NDE1: variants seen among roughly 807,000 people sequenced by gnomAD.
The protein encoded by NDE1 is nudE neurodevelopment protein 1.
Under a neutral mutation model 43.4 loss-of-function variants are expected in NDE1, and 28 were observed. The ratio of observed to expected loss-of-function variants is 0.65; its 90% CI spans 0.48 to 0.89. NDE1 has a LOEUF of 0.89. Among genes scored for constraint, NDE1 ranks in the 40% least tolerant of loss-of-function variants. The pLI is 0.00. For missense variants in NDE1, 441 were observed against 434.1 expected (o/e 1.02, Z -0.14); for synonymous variants, 184 against 172.0 (o/e 1.07, Z -0.55).
intron 4 of NDE1, among the ~76,000 whole-genome samples, chr16:15,678,781 A>G (rs1343144705): frequency 6.6e-6 from 1 of 152,168 alleles, no homozygotes; most frequent in Non-Finnish European, 1.5e-5. Flanking sequence ...ATATACAGTG[A>G]AATGCGCAGA....
rs1035094171 is a variant in NDE1 at position 15,650,248 on chromosome 16, G to A, written c.-90G>A. Reference sequence around the variant, plus strand: ...GGCCGGGGCCGCACCGCCCTTCGCAGCCGCCTCTGCCGCCGCCGCCGCGTT... The same window carrying A: ...GGCCGGGGCCGCACCGCCCTTCGCAACCGCCTCTGCCGCCGCCGCCGCGTT... On this transcript the variant is annotated 5_prime_UTR_variant, in exon 1 of 9. Coordinates refer to ENST00000396354, the MANE Select transcript of NDE1 (RefSeq NM_017668.3). The A allele has an allele frequency of 6.5e-5, 19 of 294,278 alleles. No individual in the cohort carries two copies. In the Admixed American group the frequency reaches 7.5e-4, roughly 12 times the overall value. The allele number at this position is 294,278 out of a possible 1,614,324, so 18.2% of individuals were successfully genotyped here. A position where few individuals can be genotyped will look rare whatever the true frequency, so the allele number is the denominator to read the frequency against.
upstream of NDE1, among the ~76,000 whole-genome samples, chr16:15,648,033 AC>A (rs1407399410): frequency 0.013 from 1,204 of 93,956 alleles, 26 homozygotes; most frequent in African/African-American, 0.042. Context: ...ACTCTGTCTC[AC>A]AAAAAAAAAA....
intron 7 of NDE1, chr16:15,695,915 AC>A (rs2038987829): frequency 6.3e-6 from 1 of 157,960 alleles, no homozygotes; most frequent in African/African-American, 2.4e-5. Flanking sequence ...CAGAGGTTTA[AC>A]AAGGTAAACC....
chr16:15,650,824 CT>C (rs1196093646), intron 1 of NDE1, among the ~76,000 whole-genome samples: 8 of 152,262 alleles, frequency 5.3e-5, no homozygotes, highest in Admixed American at 2.6e-4. Context: ...AGCGTTGCCC[CT>C]GCCCTCACAC....
intron 4 of NDE1, among the ~76,000 whole-genome samples, 197 bp downstream of exon 4, chr16:15,678,146 C>CT (rs2037983637): frequency 6.6e-6 from 1 of 152,146 alleles, no homozygotes; most frequent in Non-Finnish European, 1.5e-5. Flanking sequence ...AGCAGCAAGG[C>CT]TGGCAGCCCA....
At chr16:15,655,771 C>A (rs1477214740) in intron 1 of NDE1, among the ~76,000 whole-genome samples, 1 of 151,874 alleles carries the variant, frequency 6.6e-6, no homozygotes, top group Non-Finnish European at 1.5e-5. Flanking sequence ...AAACGTGGCA[C>A]ATATACACCA....
chr16:15,647,193 C>T (rs1209079117), upstream of NDE1, among the ~76,000 whole-genome samples: 2 of 152,190 alleles, frequency 1.3e-5, no homozygotes, highest in Non-Finnish European at 2.9e-5. Flanking sequence ...TGGGGTTCCC[C>T]TTTGTGCCTC....
At chr16:15,701,374 CTT>C (rs1308213338) in intron 8 of NDE1, 4 of 152,150 alleles carry the variant, frequency 2.6e-5, no homozygotes, top group African/African-American at 4.8e-5. Context: ...AATCTGACCT[CTT>C]TTGGCAAACT....
chr16:15,701,983 T>A (rs559577412), intron 8 of NDE1: 1 of 152,220 alleles, frequency 6.6e-6, no homozygotes, highest in East Asian at 1.9e-4. Flanking sequence ...TCCCACAGAG[T>A]GGTGAAAAAC....
intron 7 of NDE1, chr16:15,694,919 C>G: frequency 1.0e-6 from 1 of 984,628 alleles, no homozygotes; most frequent in South Asian, 4.7e-5. Context: ...TACCTGTAAT[C>G]CCAGTGCTTT....
intron 8 of NDE1, among the ~76,000 whole-genome samples, chr16:15,708,614 G>A (rs1398582101): frequency 6.6e-6 from 1 of 152,152 alleles, no homozygotes; most frequent in Non-Finnish European, 1.5e-5. Flanking sequence ...CAAGAGATGA[G>A]GTCTATTTGT....
chr16:15,711,980 C>G (rs778881421), intron 8 of NDE1, among the ~76,000 whole-genome samples: 1 of 152,214 alleles, frequency 6.6e-6, no homozygotes, highest in Non-Finnish European at 1.5e-5. Context: ...GGGTGAGCCA[C>G]TGCACCCAGC....
At chr16:15,687,634 TG>T (rs1293106459) in intron 5 of NDE1, 123 bp downstream of exon 5, 4 of 984,834 alleles carry the variant, frequency 4.1e-6, no homozygotes, top group Non-Finnish European at 4.8e-6. Context: ...GCACCCAGGT[TG>T]TCTAATCAGA....
Position 15,724,846 on chromosome 16 carries a change from G to A in NDE1, c.*595G>A, listed in dbSNP as rs1194406982. On this transcript the variant is annotated 3_prime_UTR_variant, in exon 9 of 9. Coordinates refer to ENST00000396354, the MANE Select transcript of NDE1 (RefSeq NM_017668.3). ...GTCCCAGGGACCTGCCCCGAGGAAG[G>A]CCACCCCCCAGGTCCCCTGGATGAT... The A allele has an allele frequency of 6.2e-7, 1 of 1,613,686 alleles. No individual in the cohort carries two copies. The highest frequency in any genetic ancestry group is 1.1e-5 in the South Asian group (1 of 91,084).
At chr16:15,670,657 CAAA>C (rs10717229) in intron 3 of NDE1, among the ~76,000 whole-genome samples, 24 of 128,722 alleles carry the variant, frequency 1.9e-4, no homozygotes, top group Admixed American at 2.3e-4. Flanking sequence ...AACTCTGTCT[CAAA>C]AAAAAAAAAA....
intron 5 of NDE1, among the ~76,000 whole-genome samples, chr16:15,690,064 A>G (rs2038654386): frequency 6.6e-6 from 1 of 151,930 alleles, no homozygotes; most frequent in Non-Finnish European, 1.5e-5. Context: ...TATTTTTGAG[A>G]CAGTCTTGCT....
At chr16:15,724,104 G>T in intron 8 of NDE1, 87 bp from the exon 9 acceptor site, 3 of 1,608,854 alleles carry the variant, frequency 1.9e-6, no homozygotes, top group South Asian at 2.2e-5. Context: ...ACTCTGCAGA[G>T]CTGATTCCCC....
At chr16:15,696,459 T>G (rs1223781087) in intron 7 of NDE1, among the ~76,000 whole-genome samples, 1 of 151,938 alleles carries the variant, frequency 6.6e-6, no homozygotes, top group Admixed American at 6.6e-5. Flanking sequence ...CAAGCCATCC[T>G]CCTGCCTTGG....
intron 1 of NDE1, among the ~76,000 whole-genome samples, chr16:15,653,818 C>G (rs1426676069): frequency 6.6e-6 from 1 of 151,768 alleles, no homozygotes; most frequent in Non-Finnish European, 1.5e-5. Flanking sequence ...ACCACCGCCT[C>G]CCATGCTCAA....
Sources: gnomAD v4.1 joint callset for allele counts (sites outside exome capture counted in the v4.1 genomes callset) on GRCh38, gnomAD v4.1.1 for gene constraint, MANE v1.5 for transcripts, NCBI Gene and HGNC (gene_info 2026-07-23, HGNC 2026-07-21) for gene names.